The following HPSE2 variants were observed in gnomAD, a reference collection of about 807,000 sequenced individuals.
The protein encoded by HPSE2 is heparanase 2 (inactive).
HPSE2 carries 38 observed loss-of-function variants against 60.5 expected under a neutral mutation model. That is an observed-to-expected ratio of 0.63 (90% CI 0.48 to 0.82). HPSE2 has a LOEUF of 0.82. Ranked by LOEUF, HPSE2 falls within the 40% of genes least tolerant of loss-of-function variation. The probability of loss-of-function intolerance (pLI) is 0.00; values close to 1 mark genes in which losing one functional copy is unlikely to be tolerated. For synonymous variants in HPSE2, 295 were observed against 293.2 expected (o/e 1.01, Z -0.06); for missense variants, 713 against 740.4 (o/e 0.96, Z 0.43).
intron 3 of HPSE2, among the ~76,000 whole-genome samples, chr10:98,756,935 TACTAGCAA>T (rs1284925353): frequency 6.6e-6 from 1 of 152,120 alleles, no homozygotes; most frequent in Non-Finnish European, 1.5e-5. Flanking sequence ...CTCAACAAAA[TACTAGCAA>T]ACTAACTAAT....
intron 6 of HPSE2, among the ~76,000 whole-genome samples, chr10:98,681,429 C>T (rs1463632025): frequency 6.6e-6 from 1 of 152,024 alleles, no homozygotes; most frequent in Non-Finnish European, 1.5e-5. Context: ...TCCAAATGAC[C>T]AATTCATGAT....
chr10:98,999,401 T>C (rs12260410), intron 3 of HPSE2, among the ~76,000 whole-genome samples: 24,216 of 152,074 alleles, frequency 0.16, 2,797 homozygotes, highest in African/African-American at 0.32. Flanking sequence ...CCCAACATCC[T>C]TGTGAAAGTA....
chr10:99,266,979 G>A, the HPSE2 span, among the ~76,000 whole-genome samples: 1 of 152,134 alleles, frequency 6.6e-6, no homozygotes, highest in Non-Finnish European at 1.5e-5. Flanking sequence ...AGCACCCCAT[G>A]GGACAAAAGA....
At chr10:98,790,402 A>G (rs1211503356) in intron 3 of HPSE2, among the ~76,000 whole-genome samples, 1 of 152,184 alleles carries the variant, frequency 6.6e-6, no homozygotes, top group African/African-American at 2.4e-5. Context: ...AGAGACAAAT[A>G]CTGTATGATC....
At chr10:98,683,131 C>T (rs555594935) in intron 6 of HPSE2, among the ~76,000 whole-genome samples, 7 of 152,122 alleles carry the variant, frequency 4.6e-5, no homozygotes, top group Non-Finnish European at 8.8e-5. Flanking sequence ...TAAGAATCCC[C>T]TAATGACCTA....
chr10:98,635,721 G>A (rs911218294), intron 7 of HPSE2, among the ~76,000 whole-genome samples: 6 of 150,262 alleles, frequency 4.0e-5, no homozygotes, highest in Admixed American at 6.7e-5. Flanking sequence ...ATTTAAGGCT[G>A]CAGTGAGCTA....
chr10:98,875,361 C>G lies in HPSE2; in HGVS notation c.611-131305G>C, dbSNP rs2134852933. On this transcript the variant is annotated intron_variant, in intron 3 of 11. Transcript: ENST00000370552. ...AAAGGAGATATCACCACTGACTCCA[C>G]AGAAATACAAACTACCATCAGAGAA... Among the ~76,000 whole-genome samples the G allele has an allele frequency of 2.6e-5, 4 of 152,202 alleles. No individual in the cohort carries two copies. In the Middle Eastern group the frequency reaches 0.01, roughly 388 times the overall value.
chr10:98,497,084 A>G (rs1941867944), intron 9 of HPSE2, among the ~76,000 whole-genome samples: 1 of 152,050 alleles, frequency 6.6e-6, no homozygotes, highest in Middle Eastern at 3.2e-3. Flanking sequence ...TAAGTTTGCT[A>G]TTTTTTAAGT....
intron 5 of HPSE2, among the ~76,000 whole-genome samples, chr10:98,697,844 G>T (rs1948272421): frequency 6.6e-6 from 1 of 152,006 alleles, no homozygotes; most frequent in South Asian, 2.1e-4. Context: ...AGAGAGTGGG[G>T]GCCAATATTC....
chr10:98,639,018 G>A (rs1946570952), intron 7 of HPSE2, among the ~76,000 whole-genome samples: 1 of 152,184 alleles, frequency 6.6e-6, no homozygotes. Flanking sequence ...CTCCCGCATT[G>A]AAAGGAGGAG....
At chr10:99,168,133 T>C (rs1847161788) in intron 2 of HPSE2, among the ~76,000 whole-genome samples, 1 of 133,714 alleles carries the variant, frequency 7.5e-6, no homozygotes, top group African/African-American at 2.7e-5. Flanking sequence ...CACACGGCTT[T>C]GTAGGAGTTT....
At chr10:98,810,479 T>C (rs1192211682) in intron 3 of HPSE2, among the ~76,000 whole-genome samples, 4 of 152,152 alleles carry the variant, frequency 2.6e-5, no homozygotes, top group Non-Finnish European at 5.9e-5. Context: ...AATGTTTACA[T>C]AGAAATGCAT....
At chr10:99,143,480 G>A (rs1197042017) in intron 3 of HPSE2, among the ~76,000 whole-genome samples, 1 of 152,056 alleles carries the variant, frequency 6.6e-6, no homozygotes, top group Non-Finnish European at 1.5e-5. Flanking sequence ...CTTTTGATTT[G>A]TTAAAGTTTA....
chr10:98,997,540 A>C (rs1021332337), intron 3 of HPSE2, among the ~76,000 whole-genome samples: 13 of 152,214 alleles, frequency 8.5e-5, no homozygotes, highest in African/African-American at 2.7e-4. Flanking sequence ...TCAAAATAGC[A>C]ACTTATCGTA....
intron 3 of HPSE2, among the ~76,000 whole-genome samples, chr10:98,756,612 C>T (rs1949884146): frequency 6.6e-6 from 1 of 152,042 alleles, no homozygotes; most frequent in Non-Finnish European, 1.5e-5. Flanking sequence ...CCTGTCATGA[C>T]TGAACAAGGA....
the HPSE2 span, among the ~76,000 whole-genome samples, chr10:99,282,127 C>T: frequency 6.6e-6 from 1 of 152,066 alleles, no homozygotes; most frequent in Non-Finnish European, 1.5e-5. Context: ...GGCATGGTGG[C>T]AGATGCCTGT....
At chr10:98,951,253 T>C (rs1289983977) in intron 3 of HPSE2, among the ~76,000 whole-genome samples, 4 of 152,160 alleles carry the variant, frequency 2.6e-5, no homozygotes, top group African/African-American at 9.7e-5. Flanking sequence ...CAACTAATAA[T>C]AGAAGCAAAA....
At chr10:99,231,547 ATTT>A (rs918723922) in intron 2 of HPSE2, among the ~76,000 whole-genome samples, 3 of 152,184 alleles carry the variant, frequency 2.0e-5, no homozygotes, top group Non-Finnish European at 4.4e-5. Context: ...TAGCATTTTC[ATTT>A]TTTATCCCTA....
chr10:99,102,555 A>G (rs1009773163), intron 3 of HPSE2, among the ~76,000 whole-genome samples: 2 of 152,206 alleles, frequency 1.3e-5, no homozygotes, highest in Non-Finnish European at 2.9e-5. Flanking sequence ...CCAGCGGTAC[A>G]AGGAGGAGCT....
Sources: gnomAD v4.1 joint callset for allele counts (sites outside exome capture counted in the v4.1 genomes callset) on GRCh38, gnomAD v4.1.1 for gene constraint, MANE v1.5 for transcripts, NCBI Gene and HGNC (gene_info 2026-07-23, HGNC 2026-07-21) for gene names.